The following LEMD3 variants were observed in gnomAD, a reference collection of about 807,000 sequenced individuals.
LEMD3 encodes LEM domain containing 3.
A neutral mutation model predicts 95.2 loss-of-function variants in LEMD3; 33 were observed. The observed-to-expected ratio is 0.35, with a 90% CI of 0.26 to 0.46. LEMD3 has a LOEUF of 0.46. LEMD3 is among the 20% of genes least tolerant of loss of function. The probability of loss-of-function intolerance (pLI) is 1.00; values close to 1 mark genes in which losing one functional copy is unlikely to be tolerated. For missense variants in LEMD3, 1,210 were observed against 1,192.8 expected (o/e 1.01, Z -0.21); for synonymous variants, 525 against 474.6 (o/e 1.11, Z -1.38).
chr12:65,185,687 AATAT>A (rs1161158968), intron 1 of LEMD3, among the ~76,000 whole-genome samples: 2 of 150,426 alleles, frequency 1.3e-5, no homozygotes, highest in Non-Finnish European at 3.0e-5. Flanking sequence ...TTTTATATAT[AATAT>A]ATATAGCATT....
At chr12:65,199,028 T>TA (rs2136329145) in intron 1 of LEMD3, among the ~76,000 whole-genome samples, 1 of 152,274 alleles carries the variant, frequency 6.6e-6, no homozygotes, top group South Asian at 2.1e-4. Context: ...TGCCGGGACT[T>TA]ACTTTTGTCT....
rs756074055 is a variant in LEMD3, at chr12:65,170,865, G to T, written c.1269G>T (p.Arg423Ser). The T allele has an allele frequency of 1.1e-5, 17 of 1,614,084 alleles. No homozygotes were observed. In the Admixed American group the frequency reaches 2.8e-4, roughly 27 times the overall value. ...CGGTGGCCGCCTCTAGTTCACTCAG[G>T]ATCAATCACGCCAATCATACGGGCT... ...SAAVAASSSLRINHANHTGSN... is the reference protein window; with the variant it reads ...SAAVAASSSLSINHANHTGSN... The change falls in exon 1 of 13, where the codon AGG (arginine) becomes AGT (serine). Residue 423 changes from arginine to serine, a missense_variant. Arg to Ser is a moderately radical substitution (Grantham distance 110). Coordinates refer to ENST00000308330, the MANE Select transcript of LEMD3 (RefSeq NM_014319.5).
intron 6 of LEMD3, 118 bp downstream of exon 6, chr12:65,238,932 A>T (rs1048461160): frequency 8.0e-6 from 7 of 872,070 alleles, no homozygotes; most frequent in Non-Finnish European, 9.5e-6. Flanking sequence ...TCACAGCTAG[A>T]TGTCTTCACT....
chr12:65,193,085 C>T (rs527656788), intron 1 of LEMD3, among the ~76,000 whole-genome samples: 16 of 152,264 alleles, frequency 1.1e-4, no homozygotes, highest in East Asian at 3.9e-4. Context: ...ATCAGAGACA[C>T]GGCACCAAAG....
chr12:65,195,101 G>A (rs1869388783), intron 1 of LEMD3, among the ~76,000 whole-genome samples: 1 of 151,866 alleles, frequency 6.6e-6, no homozygotes, highest in African/African-American at 2.4e-5. Context: ...TCATTCTTGG[G>A]TTCTGCAACC....
intron 1 of LEMD3, among the ~76,000 whole-genome samples, chr12:65,193,921 G>C (rs1283672683): frequency 6.6e-6 from 1 of 151,980 alleles, no homozygotes; most frequent in African/African-American, 2.4e-5. Flanking sequence ...ATCTAGTAAA[G>C]ATAACAAACT....
At chr12:65,199,391 A>C (rs116100415) in intron 1 of LEMD3, among the ~76,000 whole-genome samples, 2,690 of 152,224 alleles carry the variant, frequency 0.018, 80 homozygotes, top group African/African-American at 0.06. Context: ...TCATTGACAG[A>C]TGAATCACCT....
At chr12:65,199,701 T>C (rs1410429960) in intron 1 of LEMD3, among the ~76,000 whole-genome samples, 1 of 152,116 alleles carries the variant, frequency 6.6e-6, no homozygotes, top group Non-Finnish European at 1.5e-5. Flanking sequence ...AGAGTTTAGA[T>C]TGAATTATGA....
At chr12:65,198,894 CACGG>C (rs1869512149) in intron 1 of LEMD3, among the ~76,000 whole-genome samples, 1 of 152,034 alleles carries the variant, frequency 6.6e-6, no homozygotes, top group South Asian at 2.1e-4. Context: ...ATGCAGAACA[CACGG>C]ATACAGAGGG....
intron 1 of LEMD3, among the ~76,000 whole-genome samples, chr12:65,200,656 C>T (rs1432721906): frequency 6.6e-6 from 1 of 152,046 alleles, no homozygotes; most frequent in Non-Finnish European, 1.5e-5. Flanking sequence ...AGTTCTTTGG[C>T]CCATTTTTTA....
Position 65,169,837 on chromosome 12 carries a change from C to G in LEMD3, c.241C>G (p.Pro81Ala), listed in dbSNP as rs778640480. Reference sequence around the variant, plus strand: ...AGCCGCCACGGTCGCAGCCGCGGGACCAGCGGCGGCGGCGGCCGCGGGGAT... The same window carrying G: ...AGCCGCCACGGTCGCAGCCGCGGGAGCAGCGGCGGCGGCGGCCGCGGGGAT... ...TAAATVAAAG[P>A]AAAAAAGMGV... Residue 81 changes from proline (P) to alanine (A), a missense_variant, in exon 1 of 13, where the codon CCA becomes GCA. Physicochemically the swap from Pro to Ala is conservative, Grantham distance 27. Around this residue, in one of 2 missense-constraint regions of LEMD3, gnomAD observed 749 missense variants for 622.9 expected, o/e 1.20. Coordinates refer to ENST00000308330, the MANE Select transcript of LEMD3 (RefSeq NM_014319.5). 3.7e-5 allele frequency: 54 copies of G among 1,464,752 alleles called. No homozygotes were observed. The highest frequency in any genetic ancestry group is 3.2e-4 in the African/African-American group (22 of 69,532). The allele number at this position is 1,464,752 out of a possible 1,614,324, so 90.7% of individuals were successfully genotyped here.
rs752234472 is a variant in LEMD3 at position 65,169,809 on chromosome 12, G to A, written c.213G>A (p.Thr71=). The A allele has an allele frequency of 1.0e-5, 15 of 1,505,206 alleles. No homozygotes were observed. The African/African-American group carries it at 1.6e-4, about 16-fold the overall frequency. 93.2% of individuals were successfully genotyped at this position (1,505,206 alleles called of 1,614,324 possible). A position where few individuals can be genotyped will look rare whatever the true frequency, so the allele number is the denominator to read the frequency against. Residue 71 remains threonine (T), a synonymous_variant, in exon 1 of 13, where the codon ACG becomes ACA. Coordinates refer to ENST00000308330, the MANE Select transcript of LEMD3 (RefSeq NM_014319.5). ...CGCGGAACAGTAATAACAATAACAC[G>A]GCAGCCGCCACGGTCGCAGCCGCGG... ...NKTRNSNNNN[T]AAATVAAAGP...
rs749045900 is a variant in LEMD3, at chr12:65,169,660, C to T, written c.64C>T (p.Arg22Cys). 4.4e-6 allele frequency: 7 copies of T among 1,585,970 alleles called. No individual in the cohort carries two copies. The highest frequency in any genetic ancestry group is 6.0e-6 in the Non-Finnish European group (7 of 1,167,428). The change falls in exon 1 of 13, where the codon CGC becomes TGC. Residue 22 changes from arginine (R) to cysteine (C), a missense_variant. By Grantham distance (180) the Arg-to-Cys change is radical. Transcript: ENST00000308330. ...LSDEELFSQLRRYGLSPGPVT... is the reference protein window; with the variant it reads ...LSDEELFSQLCRYGLSPGPVT... ...GGATGAGGAGCTTTTCTCTCAGCTCCGCCGTTACGGCCTGTCTCCCGGACC... is the reference window on the plus strand; with the variant it reads ...GGATGAGGAGCTTTTCTCTCAGCTCTGCCGTTACGGCCTGTCTCCCGGACC...
chr12:65,239,962 T>G lies in LEMD3; in HGVS notation c.1955T>G (p.Met652Arg). Residue 652 changes from methionine (M) to arginine (R), a missense_variant, in exon 7 of 13, where the codon ATG becomes AGG. Around this residue, in one of 2 missense-constraint regions of LEMD3, gnomAD observed 461 missense variants for 569.8 expected, o/e 0.81. Coordinates refer to ENST00000308330, the MANE Select transcript of LEMD3 (RefSeq NM_014319.5). ...VVMVCVVLRY[M>R]KYRWTKEEEE... ...ATGGTTTGTGTCGTTCTGCGTTACA[T>G]GAAATATCGATGGACAAAAGAAGAG... The G allele has an allele frequency of 6.2e-7, 1 of 1,612,184 alleles. No homozygotes were observed. The highest frequency in any genetic ancestry group is 8.5e-7 in the Non-Finnish European group (1 of 1,178,388).
At chr12:65,222,627 A>G (rs1319721211) in intron 4 of LEMD3, among the ~76,000 whole-genome samples, 1 of 152,056 alleles carries the variant, frequency 6.6e-6, no homozygotes, top group Non-Finnish European at 1.5e-5. Flanking sequence ...TTATTGATTC[A>G]TTAAATTCTC....
chr12:65,213,251 G>T (rs921557610), intron 2 of LEMD3, among the ~76,000 whole-genome samples: 24 of 152,082 alleles, frequency 1.6e-4, no homozygotes, highest in African/African-American at 5.8e-4. Context: ...TTGAGACAAG[G>T]TCTCATTTTT....
At chr12:65,229,349 C>T (rs1424622811) in intron 4 of LEMD3, among the ~76,000 whole-genome samples, 1 of 152,056 alleles carries the variant, frequency 6.6e-6, no homozygotes, top group Non-Finnish European at 1.5e-5. Context: ...AATGAGAGTA[C>T]AGATACCTCT....
At chr12:65,175,938 C>A (rs1868705256) in intron 1 of LEMD3, among the ~76,000 whole-genome samples, 1 of 152,092 alleles carries the variant, frequency 6.6e-6, no homozygotes, top group African/African-American at 2.4e-5. Flanking sequence ...TTGGATTTAC[C>A]TAGATTCTTT....
intron 2 of LEMD3, among the ~76,000 whole-genome samples, chr12:65,212,055 TC>T (rs1013774554): frequency 3.9e-5 from 6 of 152,102 alleles, no homozygotes; most frequent in Non-Finnish European, 8.8e-5. Flanking sequence ...GACTCACAGT[TC>T]GGCTGGGGAG....
Sources: allele counts gnomAD v4.1 joint callset (sites outside exome capture counted in the v4.1 genomes callset), GRCh38; gene constraint gnomAD v4.1.1; regional missense constraint gnomAD v4.1.1; transcripts MANE v1.5; gene names NCBI Gene and HGNC (gene_info 2026-07-23, HGNC 2026-07-21).